The following BMPR1B variants were observed in gnomAD, a reference collection of about 807,000 sequenced individuals.
BMPR1B encodes bone morphogenetic protein receptor type-1B.
BMPR1B carries 12 observed loss-of-function variants against 59.1 expected under a neutral mutation model. The ratio of observed to expected loss-of-function variants is 0.20; its 90% CI spans 0.13 to 0.33. The LOEUF (loss-of-function observed/expected upper bound fraction) is 0.33. BMPR1B is among the 10% of genes least tolerant of loss of function. The probability of loss-of-function intolerance (pLI) is 1.00; values close to 1 mark genes in which losing one functional copy is unlikely to be tolerated. For synonymous variants in BMPR1B, 237 were observed against 207.3 expected (o/e 1.14, Z -1.23); for missense variants, 550 against 610.9 (o/e 0.90, Z 1.05).
At chr4:95,039,864 T>C (rs116362090) in intron 3 of BMPR1B, among the ~76,000 whole-genome samples, 1 of 152,228 alleles carries the variant, frequency 6.6e-6, no homozygotes, top group Non-Finnish European at 1.5e-5. Context: ...ACCAAAAGAT[T>C]GGACACCCCT....
At chr4:94,826,398 A>G (rs752858412) in intron 1 of BMPR1B, among the ~76,000 whole-genome samples, 8 of 152,124 alleles carry the variant, frequency 5.3e-5, no homozygotes, top group Admixed American at 2.0e-4. Context: ...CTCGGGCTGG[A>G]CTGCTTCCAG....
At chr4:95,070,684 G>A (rs1022947158) in intron 3 of BMPR1B, among the ~76,000 whole-genome samples, 8 of 152,170 alleles carry the variant, frequency 5.3e-5, no homozygotes, top group Middle Eastern at 3.4e-3. Flanking sequence ...AAACAAGGAG[G>A]ACCCATATGT....
chr4:95,029,130 G>A (rs1724634257), intron 3 of BMPR1B, among the ~76,000 whole-genome samples: 1 of 150,844 alleles, frequency 6.6e-6, no homozygotes, highest in South Asian at 2.1e-4. Flanking sequence ...AAGTTTTAGG[G>A]TACATATGCA....
intron 3 of BMPR1B, among the ~76,000 whole-genome samples, chr4:95,081,707 T>C (rs1729151361): frequency 6.6e-6 from 1 of 152,148 alleles, no homozygotes; most frequent in Non-Finnish European, 1.5e-5. Context: ...TTTAAGAAAC[T>C]CCGTGATGTC....
At chr4:94,829,148 T>C (rs1239114793) in intron 1 of BMPR1B, among the ~76,000 whole-genome samples, 1 of 152,266 alleles carries the variant, frequency 6.6e-6, no homozygotes, top group African/African-American at 2.4e-5. Context: ...GACTGTACCT[T>C]AAGTTTATGC....
intron 2 of BMPR1B, among the ~76,000 whole-genome samples, chr4:94,915,824 C>T (rs898475777): frequency 1.3e-5 from 2 of 152,038 alleles, no homozygotes; most frequent in African/African-American, 4.8e-5. Flanking sequence ...AATTGTAATC[C>T]CCAATGCTGG....
At chr4:95,084,369 A>G (rs1434080120) in intron 3 of BMPR1B, among the ~76,000 whole-genome samples, 1 of 79,524 alleles carries the variant, frequency 1.3e-5, no homozygotes, top group East Asian at 2.5e-4. Flanking sequence ...ATATATGTGT[A>G]TTGTGTATAT....
chr4:95,020,049 T>A (rs1432069262), intron 3 of BMPR1B, among the ~76,000 whole-genome samples: 1 of 152,206 alleles, frequency 6.6e-6, no homozygotes, highest in Non-Finnish European at 1.5e-5. Flanking sequence ...TGATTATATT[T>A]GTACCTTGCC....
At chr4:94,809,889 A>G (rs1005490424) in intron 1 of BMPR1B, among the ~76,000 whole-genome samples, 3 of 152,242 alleles carry the variant, frequency 2.0e-5, no homozygotes, top group African/African-American at 7.2e-5. Flanking sequence ...GAGGCCTTAG[A>G]TGGCAGTTGT....
chr4:94,918,413 A>G (rs1313955780), intron 2 of BMPR1B, among the ~76,000 whole-genome samples: 8 of 152,298 alleles, frequency 5.3e-5, no homozygotes, highest in Admixed American at 1.3e-4. Context: ...GCAGTGACTC[A>G]TGCCTGTAGT....
At chr4:94,758,376 G>A (rs887799693) in intron 1 of BMPR1B, among the ~76,000 whole-genome samples, 63 of 151,458 alleles carry the variant, frequency 4.2e-4, no homozygotes, top group African/African-American at 1.5e-3. Context: ...GCGCAGGCGA[G>A]GAGTCGGGGC....
At chr4:95,001,556 A>C (rs1722452233) in intron 3 of BMPR1B, among the ~76,000 whole-genome samples, 1 of 152,220 alleles carries the variant, frequency 6.6e-6, no homozygotes, top group African/African-American at 2.4e-5. Flanking sequence ...GAAGCTAAAA[A>C]ACAAGTTTCA....
intron 3 of BMPR1B, among the ~76,000 whole-genome samples, chr4:95,047,137 T>G (rs892140370): frequency 6.6e-6 from 1 of 152,216 alleles, no homozygotes; most frequent in African/African-American, 2.4e-5. Context: ...CAGTTTCCCC[T>G]GCTATTAACA....
At chr4:94,970,635 T>G (rs554509786) in intron 2 of BMPR1B, among the ~76,000 whole-genome samples, 1 of 152,280 alleles carries the variant, frequency 6.6e-6, no homozygotes, top group South Asian at 2.1e-4. Flanking sequence ...TTTTAAAGTT[T>G]TTTTTATTTT....
chr4:95,100,492 G>T (rs1730740968), intron 3 of BMPR1B, among the ~76,000 whole-genome samples: 1 of 151,862 alleles, frequency 6.6e-6, no homozygotes, highest in South Asian at 2.1e-4. Context: ...AAAAATTAGG[G>T]TGTCTGTTTG....
intron 2 of BMPR1B, among the ~76,000 whole-genome samples, chr4:94,992,507 ATTTTCT>A (rs1165247077): frequency 1.3e-5 from 2 of 152,102 alleles, no homozygotes; most frequent in Non-Finnish European, 2.9e-5. Context: ...ACTAAGCCTC[ATTTTCT>A]TTATTTAAAA....
intron 2 of BMPR1B, among the ~76,000 whole-genome samples, chr4:94,981,003 A>ACGCGCGCGTACGCGCGTG (rs141994255): frequency 1.1e-5 from 1 of 90,796 alleles, no homozygotes; most frequent in Non-Finnish European, 2.4e-5. Flanking sequence ...ACACACACAC[A>ACGCGCGCGTACGCGCGTG]CACACACACA....
intron 2 of BMPR1B, among the ~76,000 whole-genome samples, chr4:94,917,376 C>T (rs906687157): frequency 6.6e-6 from 1 of 152,190 alleles, no homozygotes; most frequent in Admixed American, 6.5e-5. Flanking sequence ...TGAGAGCAGC[C>T]ATGGGGGCCG....
chr4:95,050,774 G>A (rs1213340696), intron 3 of BMPR1B, among the ~76,000 whole-genome samples: 1 of 151,924 alleles, frequency 6.6e-6, no homozygotes, highest in Non-Finnish European at 1.5e-5. Flanking sequence ...GTCTATGGTA[G>A]CATTGTAGTT....
Sources: gnomAD v4.1 joint callset for allele counts (sites outside exome capture counted in the v4.1 genomes callset) on GRCh38, gnomAD v4.1.1 for gene constraint, MANE v1.5 for transcripts, NCBI Gene and HGNC (gene_info 2026-07-23, HGNC 2026-07-21) for gene names.